The following TCN2 variants were observed in gnomAD, a reference collection of about 807,000 sequenced individuals.
TCN2 encodes transcobalamin-2.
Under a neutral mutation model 48.6 loss-of-function variants are expected in TCN2, and 34 were observed. The ratio of observed to expected loss-of-function variants is 0.70; its 90% confidence interval spans 0.53 to 0.93. The LOEUF (loss-of-function observed/expected upper bound fraction) is 0.93, where lower values mean the gene tolerates loss of function less well. Among genes scored for constraint, TCN2 ranks in the 40% least tolerant of loss-of-function variants. TCN2 has a pLI of 0.00. For synonymous variants in TCN2, 283 were observed against 212.5 expected, an observed-to-expected ratio of 1.33 and a Z score of -2.89; for missense variants, 652 against 526.1, an observed-to-expected ratio of 1.24 and a Z score of -2.34.
chr22:30,626,786 A>G lies in TCN2; in HGVS notation c.*265A>G, dbSNP rs2145564192. 1.7e-6 allele frequency: 1 copy of G among 577,148 alleles called. No homozygotes were observed. Among genetic ancestry groups the G allele is most frequent in the African/African-American group, 1.9e-5 (1 of 53,540 alleles). The allele number at this position is 577,148 out of a possible 1,614,324, so 35.8% of individuals were successfully genotyped here. On this transcript the variant is annotated 3_prime_UTR_variant, in exon 9 of 9. Transcript: ENST00000215838. ...GCCCTGCAGGTCTCCCATGAAGGCC[A>G]CCCCATGGTCTGATGGGCATGAAGC...
At position 30,626,659 on chromosome 22, in the gene TCN2, C is replaced by G; in HGVS notation, c.*138C>G. The stretch of plus-strand genomic sequence containing the variant: ...TTGAGCAATGCCCCCTGGGATCACC[C>G]CAGCCACAAGCCCTTCGAGGGCCCT... On this transcript the variant is annotated 3_prime_UTR_variant, in exon 9 of 9. Coordinates refer to ENST00000215838, the MANE Select transcript of TCN2 (RefSeq NM_000355.4). 1 of 937,618 alleles carries G rather than the reference C, an allele frequency of 1.1e-6. No homozygotes were observed. The highest frequency in any genetic ancestry group is 1.7e-6 in the Non-Finnish European group (1 of 591,112). 58.1% of individuals were successfully genotyped at this position (937,618 alleles called of 1,614,324 possible).
At chr22:30,625,745 T>G (rs2087798114) in intron 8 of TCN2, among the ~76,000 whole-genome samples, 1 of 152,334 alleles carries the variant, frequency 6.6e-6, no homozygotes, top group South Asian at 2.1e-4. Context: ...ATTCTAGGTA[T>G]GAGCCACCCT....
At chr22:30,626,417 AT>A (rs2087810912) in intron 8 of TCN2, 42 bp from the exon 9 acceptor site, 2 of 1,607,108 alleles carry the variant, frequency 1.2e-6, no homozygotes, top group African/African-American at 2.7e-5. Context: ...GGGGTGCGAT[AT>A]TCTGCCCAAT....
chr22:30,625,011 G>A lies in TCN2; in HGVS notation c.1223-1449G>A, dbSNP rs1298566648. Among the ~76,000 whole-genome samples, 5 of 152,162 alleles carry A rather than the reference G, an allele frequency of 3.3e-5. No individual in the cohort carries two copies. The East Asian group carries it at 7.7e-4, about 23-fold the overall frequency. On this transcript the variant is annotated intron_variant, in intron 8 of 8. Transcript: ENST00000215838. Reference sequence around the variant, plus strand: ...GCAGGTGGATCACCTGAGATCAGTAGTTCAAGACTAGCCTGACCAACATGG... The same window carrying A: ...GCAGGTGGATCACCTGAGATCAGTAATTCAAGACTAGCCTGACCAACATGG...
chr22:30,620,236 G>A (rs955235407), intron 7 of TCN2, among the ~76,000 whole-genome samples: 6 of 152,024 alleles, frequency 3.9e-5, no homozygotes, highest in African/African-American at 1.5e-4. Context: ...CAGATTACTT[G>A]AGGCCAGGAG....
chr22:30,613,537 C>T (rs149944363), intron 3 of TCN2, among the ~76,000 whole-genome samples: 82 of 152,252 alleles, frequency 5.4e-4, no homozygotes, highest in Non-Finnish European at 7.4e-4. Flanking sequence ...CCTTAGCCTC[C>T]GAAAGTGCTG....
chr22:30,610,719 T>C, intron 1 of TCN2, 152 bp from the exon 2 acceptor site: 1 of 754,064 alleles, frequency 1.3e-6, no homozygotes, highest in Non-Finnish European at 2.2e-6. Flanking sequence ...TGCCTTTCAG[T>C]ATGGCTGCAT....
chr22:30,625,199 CAA>C (rs893308896), intron 8 of TCN2, among the ~76,000 whole-genome samples: 108 of 152,262 alleles, frequency 7.1e-4, no homozygotes, highest in East Asian at 7.7e-4. Context: ...GCCTGGGCAA[CAA>C]GAGTGAAACT....
chr22:30,610,315 C>A, intron 1 of TCN2: 1 of 470,434 alleles, frequency 2.1e-6, no homozygotes, highest in Non-Finnish European at 4.4e-6. Flanking sequence ...TGGAAGTTTG[C>A]GTTGTTTGGA....
rs770055978 is a variant in TCN2, at chr22:30,610,937, G to A, written c.131G>A (p.Arg44Gln). Reference protein sequence around the residue: ...LGQHLLPWMDRLSLEHLNPSI... With the variant: ...LGQHLLPWMDQLSLEHLNPSI... ...CAGCACCTCTTACCTTGGATGGACC[G>A]GCTTTCCCTGGAGCACTTGAACCCC... Residue 44 changes from arginine (R) to glutamine (Q), a missense_variant, in exon 2 of 9, where the codon CGG becomes CAG. Physicochemically the swap from Arg to Gln is conservative, Grantham distance 43. Coordinates refer to ENST00000215838, the MANE Select transcript of TCN2 (RefSeq NM_000355.4). 5.6e-6 allele frequency: 9 copies of A among 1,614,050 alleles called. No homozygotes were observed. Among genetic ancestry groups the A allele is most frequent in the African/African-American group, 2.7e-5 (2 of 74,914 alleles).
chr22:30,614,269 A>G, intron 3 of TCN2, 80 bp from the exon 4 acceptor site: 3 of 1,575,272 alleles, frequency 1.9e-6, no homozygotes, highest in Admixed American at 1.8e-5. Context: ...TGGAAAGTGC[A>G]GGCCAGGGTC....
chr22:30,625,144 G>T (rs528486813), intron 8 of TCN2, among the ~76,000 whole-genome samples: 1 of 152,336 alleles, frequency 6.6e-6, no homozygotes, highest in Non-Finnish European at 1.5e-5. Context: ...CTTGAACCCA[G>T]GAGGCGGAGG....
At chr22:30,610,118 T>TGA (rs1298435532) in intron 1 of TCN2, 6 of 451,548 alleles carry the variant, frequency 1.3e-5, no homozygotes, top group Non-Finnish European at 2.3e-5. Context: ...CCAGAGTGTT[T>TGA]GAGTATTTTC....
Position 30,618,603 on chromosome 22 carries a change from G to A in TCN2, c.1106+1108G>A, listed in dbSNP as rs529391484. On this transcript the variant is annotated intron_variant, in intron 7 of 8. Coordinates refer to ENST00000215838, the MANE Select transcript of TCN2 (RefSeq NM_000355.4). ...TGAACTCGGGTGATCTGCCTGCCTC[G>A]GCCTCCCAAAGTGCTGGGATTACAG... Among the ~76,000 whole-genome samples the A allele has an allele frequency of 7.9e-5, 12 of 152,074 alleles. No homozygotes were observed. In the South Asian group the frequency reaches 1.4e-3, roughly 18 times the overall value.
rs1285903781 is a variant in TCN2, at chr22:30,626,899, GCCT to G, written c.*383_*385del. On this transcript the variant is annotated 3_prime_UTR_variant, in exon 9 of 9. Coordinates refer to ENST00000215838, the MANE Select transcript of TCN2 (RefSeq NM_000355.4). ...TCTGTGGTTGGGGTCCTGCAAGAAG[GCCT>G]CCTCAGCCCGGGGGCTATGGCCCTG... 1 of 354,962 alleles carries G rather than the reference GCCT, an allele frequency of 2.8e-6. No individual in the cohort carries two copies. The highest frequency in any genetic ancestry group is 6.5e-5 in the East Asian group (1 of 15,330). 22.0% of individuals were successfully genotyped at this position (354,962 alleles called of 1,614,324 possible). A position where few individuals can be genotyped will look rare whatever the true frequency, so the allele number is the denominator to read the frequency against.
rs766329982 is a variant in TCN2 at position 30,607,295 on chromosome 22, C to A, written c.-37C>A. ...GCAGGGCCAGCCCCAGGAGTCTTTC[C>A]CGATTCTTGCTCACTGCTCACCCAC... On this transcript the variant is annotated 5_prime_UTR_variant, in exon 1 of 9. Coordinates refer to ENST00000215838, the MANE Select transcript of TCN2 (RefSeq NM_000355.4). 3 of 1,613,660 alleles carry A rather than the reference C, an allele frequency of 1.9e-6. No homozygotes were observed. In the Admixed American group the frequency reaches 5.0e-5, roughly 27 times the overall value.
At chr22:30,614,643 A>C in intron 4 of TCN2, 142 bp downstream of exon 4, 1 of 1,266,316 alleles carries the variant, frequency 7.9e-7, no homozygotes, top group Non-Finnish European at 1.1e-6. Flanking sequence ...CGAATTGGCG[A>C]GGGCTCATGG....
chr22:30,610,987 T>G lies in TCN2; in HGVS notation c.181T>G (p.Ser61Ala). 6.2e-7 allele frequency: 1 copy of G among 1,614,192 alleles called. No individual in the cohort carries two copies. Among genetic ancestry groups the G allele is most frequent in the Non-Finnish European group, 8.5e-7 (1 of 1,180,032 alleles). ...NPSIYVGLRL[S>A]SLQAGTKEDL... ...CAGCATCTATGTGGGCCTACGCCTC[T>G]CCAGTCTGCAGGCTGGGACCAAGGA... Residue 61 changes from serine to alanine, a missense_variant, in exon 2 of 9, where the codon TCC (serine) becomes GCC (alanine). Physicochemically the swap from Ser to Ala is moderately conservative, Grantham distance 99 (BLOSUM62 1). Coordinates refer to ENST00000215838, the MANE Select transcript of TCN2 (RefSeq NM_000355.4).
chr22:30,607,301 C>G lies in TCN2; in HGVS notation c.-31C>G, dbSNP rs752164429. The G allele has an allele frequency of 4.9e-5, 79 of 1,613,954 alleles. 1 individual carries two copies. The East Asian group carries it at 1.6e-3, about 34-fold the overall frequency. On this transcript the variant is annotated 5_prime_UTR_variant, in exon 1 of 9. Coordinates refer to ENST00000215838, the MANE Select transcript of TCN2 (RefSeq NM_000355.4). ...CCAGCCCCAGGAGTCTTTCCCGATT[C>G]TTGCTCACTGCTCACCCACCTGCTG...
Sources: allele counts gnomAD v4.1 joint callset (sites outside exome capture counted in the v4.1 genomes callset), GRCh38; gene constraint gnomAD v4.1.1; transcripts MANE v1.5; gene names NCBI Gene and HGNC (gene_info 2026-07-23, HGNC 2026-07-21).